The following ACP1 variants were observed in gnomAD, a reference collection of about 807,000 sequenced individuals.
The protein encoded by ACP1 is acid phosphatase 1, also known as low molecular weight phosphotyrosine protein phosphatase.
Under a neutral mutation model 23.4 loss-of-function variants are expected in ACP1, and 23 were observed. The observed-to-expected ratio is 0.98, with a 90% CI of 0.71 to 1.39. The LOEUF (loss-of-function observed/expected upper bound fraction) is 1.39. ACP1 is among the 40% of genes most tolerant of loss of function. ACP1 has a pLI of 0.00. For missense variants in ACP1, 180 were observed against 197.7 expected (o/e 0.91, Z 0.54); for synonymous variants, 72 against 67.2 (o/e 1.07, Z -0.35).
At chr2:275,076 T>C (rs1670135904) in intron 3 of ACP1, 64 bp from the exon 4 acceptor site, 2 of 754,252 alleles carry the variant, frequency 2.7e-6, no homozygotes, top group South Asian at 3.1e-5. Context: ...CTTTTAGTAT[T>C]GCTTTGCATC....
rs201375510 is a variant in ACP1 at position 266,793 on chromosome 2, G to GT, written c.43+1796dup. 2.2e-3 allele frequency among the ~76,000 whole-genome samples: 327 copies of GT among 150,312 alleles called. 1 individual carries two copies. Among genetic ancestry groups the GT allele is most frequent in the African/African-American group, 7.5e-3 (309 of 40,982 alleles). On this transcript the variant is annotated intron_variant, in intron 1 of 5. Transcript: ENST00000272065. ...GTAGATCTTAGTAACCTCGGTATAA[G>GT]TTTTTTTTTTCTTTCCATAAGAAGT...
intron 1 of ACP1, 152 bp downstream of exon 1, chr2:265,159 G>C (rs1021773256): frequency 4.1e-5 from 34 of 832,430 alleles, no homozygotes; most frequent in Non-Finnish European, 5.7e-5. Context: ...GTGCCGCAGC[G>C]CCCCTGTTCC....
At chr2:267,771 A>C (rs935384685) in intron 1 of ACP1, among the ~76,000 whole-genome samples, 1 of 152,240 alleles carries the variant, frequency 6.6e-6, no homozygotes, top group African/African-American at 2.4e-5. Flanking sequence ...GGAGTCTGCA[A>C]ACTCTTTGTT....
Position 264,994 on chromosome 2 carries a change from G to T in ACP1, c.30G>T (p.Leu10=). Reference sequence around the variant, plus strand: ...CGGAACAGGCTACCAAGTCCGTGCTGTTTGTGTGTCTGGGTAAGAGGGCGC... The same window carrying T: ...CGGAACAGGCTACCAAGTCCGTGCTTTTTGTGTGTCTGGGTAAGAGGGCGC... MAEQATKSV[L]FVCLGNICRS... Residue 10 remains leucine, a synonymous_variant, in exon 1 of 6, where the codon CTG becomes CTT. Coordinates refer to ENST00000272065, the MANE Select transcript of ACP1 (RefSeq NM_004300.4). 3 of 1,613,308 alleles carry T rather than the reference G, an allele frequency of 1.9e-6. No homozygotes were observed. The highest frequency in any genetic ancestry group is 1.7e-5 in the Admixed American group (1 of 59,968).
In ACP1 at chr2:264,973, A is replaced by G. The variant is rs1352194299; in HGVS notation, c.9A>G (p.Glu3=). 1 of 1,612,810 alleles carries G rather than the reference A, an allele frequency of 6.2e-7. No individual in the cohort carries two copies. The highest frequency in any genetic ancestry group is 1.1e-5 in the South Asian group (1 of 90,914). ...CCTCTGCGCGCGGGAAGATGGCGGAACAGGCTACCAAGTCCGTGCTGTTTG... is the reference window on the plus strand; with the variant it reads ...CCTCTGCGCGCGGGAAGATGGCGGAGCAGGCTACCAAGTCCGTGCTGTTTG... The part of the protein sequence containing the change: MA[E]QATKSVLFVC... Residue 3 remains glutamate, a synonymous_variant, in exon 1 of 6, where the codon GAA becomes GAG. Coordinates refer to ENST00000272065, the MANE Select transcript of ACP1 (RefSeq NM_004300.4).
Position 277,431 on chromosome 2 carries a change from T to C in ACP1, c.*127T>C. The C allele has an allele frequency of 2.5e-6, 2 of 791,884 alleles. No homozygotes were observed. Among genetic ancestry groups the C allele is most frequent in the Non-Finnish European group, 4.3e-6 (2 of 462,196 alleles). The allele number at this position is 791,884 out of a possible 1,614,324, so 49.1% of individuals were successfully genotyped here. ...CTCTTTGTTCAGTTGACTTACTGTTTCTTACCTTAAAAAGTAATTGTAGAT... is the reference window on the plus strand; with the variant it reads ...CTCTTTGTTCAGTTGACTTACTGTTCCTTACCTTAAAAAGTAATTGTAGAT... On this transcript the variant is annotated 3_prime_UTR_variant, in exon 6 of 6. Transcript: ENST00000272065.
chr2:265,765 G>A (rs1303923002), intron 1 of ACP1, among the ~76,000 whole-genome samples: 1 of 152,190 alleles, frequency 6.6e-6, no homozygotes, highest in African/African-American at 2.4e-5. Flanking sequence ...AAAACCTTCT[G>A]TGAGTTTGCA....
chr2:269,271 A>G, intron 1 of ACP1: 2 of 469,736 alleles, frequency 4.3e-6, no homozygotes, highest in South Asian at 1.6e-5. Flanking sequence ...TTCAAGGCTA[A>G]TTTGTTGTCT....
chr2:276,787 T>C (rs1331824974), intron 4 of ACP1, among the ~76,000 whole-genome samples, 193 bp from the exon 5 acceptor site: 2 of 152,162 alleles, frequency 1.3e-5, no homozygotes, highest in African/African-American at 4.8e-5. Context: ...TCGCAAACTG[T>C]CTTGCCTAGA....
chr2:277,408 C>A lies in ACP1; in HGVS notation c.*104C>A. 6.1e-6 allele frequency: 6 copies of A among 986,478 alleles called. No homozygotes were observed. The Admixed American group carries it at 1.1e-4, about 18-fold the overall frequency. The allele number at this position is 986,478 out of a possible 1,614,324, so 61.1% of individuals were successfully genotyped here. On this transcript the variant is annotated 3_prime_UTR_variant, in exon 6 of 6. Transcript: ENST00000272065. ...ACGTTCCAGGGCCCAAAGCCCAGCT[C>A]TTTGTTCAGTTGACTTACTGTTTCT...
chr2:278,190 G>A lies in ACP1; in HGVS notation c.*886G>A, dbSNP rs367597593. On this transcript the variant is annotated 3_prime_UTR_variant, in exon 6 of 6. Transcript: ENST00000272065. ...GCATTTAATAAATGTATAGGCAGAT[G>A]TAAGGTAATTTCTGTGTATTTTGAG... 6.4e-4 allele frequency: 97 copies of A among 152,256 alleles called. No individual in the cohort carries two copies. Among genetic ancestry groups the A allele is most frequent in the African/African-American group, 2.0e-3 (83 of 41,518 alleles). The allele number at this position is 152,256 out of a possible 1,614,324, so 9.4% of individuals were successfully genotyped here. A position where few individuals can be genotyped will look rare whatever the true frequency, so the allele number is the denominator to read the frequency against.
chr2:274,824 T>C (rs531987326), intron 3 of ACP1: 5 of 179,578 alleles, frequency 2.8e-5, no homozygotes, highest in Admixed American at 1.9e-4. Context: ...GGATTAAATA[T>C]GTGACATTTT....
At chr2:276,286 C>A (rs765765685) in intron 4 of ACP1, among the ~76,000 whole-genome samples, 1 of 152,184 alleles carries the variant, frequency 6.6e-6, no homozygotes, top group Non-Finnish European at 1.5e-5. Context: ...GTGCATTAGA[C>A]TTAGGCCTGC....
chr2:274,452 C>T (rs985666776), intron 3 of ACP1: 5 of 152,490 alleles, frequency 3.3e-5, no homozygotes, highest in Non-Finnish European at 7.3e-5. Flanking sequence ...AGAAAACAAT[C>T]ATAAGCTTTC....
chr2:269,177 T>A (rs1443539664), intron 1 of ACP1: 1 of 386,586 alleles, frequency 2.6e-6, no homozygotes, highest in African/African-American at 2.1e-5. Flanking sequence ...ATAGTGCTGA[T>A]GACAATACCT....
intron 4 of ACP1, chr2:275,550 T>C (rs1052341311): frequency 1.9e-5 from 3 of 161,954 alleles, no homozygotes; most frequent in African/African-American, 4.8e-5. Flanking sequence ...CAGTGTTTTA[T>C]TGATTCTCAG....
intron 4 of ACP1, among the ~76,000 whole-genome samples, chr2:275,875 A>G (rs1670155688): frequency 6.6e-6 from 1 of 152,298 alleles, no homozygotes; most frequent in East Asian, 1.9e-4. Context: ...AAGATAAACT[A>G]TTTGTGCTTT....
In ACP1 at chr2:265,005, TG is replaced by T. The variant is rs764998912; in HGVS notation, c.43+1del. The T allele has an allele frequency of 1.2e-6, 2 of 1,613,058 alleles. No homozygotes were observed. Among genetic ancestry groups the T allele is most frequent in the Admixed American group, 3.3e-5 (2 of 59,936 alleles). ...QATKSVLFVC[L>X]GNICRSPIAE... ...ACCAAGTCCGTGCTGTTTGTGTGTCTGGGTAAGAGGGCGCCGACTTACTCAT... is the reference window on the plus strand; with the variant it reads ...ACCAAGTCCGTGCTGTTTGTGTGTCTGGTAAGAGGGCGCCGACTTACTCAT... On this transcript the variant is annotated frameshift_variant and splice_region_variant, in exon 1 of 6. Coordinates refer to ENST00000272065, the MANE Select transcript of ACP1 (RefSeq NM_004300.4). LOFTEE classifies it high-confidence loss of function.
intron 4 of ACP1, 81 bp downstream of exon 4, chr2:275,282 T>C (rs1282974537): frequency 1.2e-6 from 1 of 804,072 alleles, no homozygotes; most frequent in Non-Finnish European, 2.0e-6. Flanking sequence ...AGATTTACTT[T>C]TTCTATTTTA....
Sources: allele counts gnomAD v4.1 joint callset (sites outside exome capture counted in the v4.1 genomes callset), GRCh38; gene constraint gnomAD v4.1.1; transcripts MANE v1.5; gene names NCBI Gene and HGNC (gene_info 2026-07-23, HGNC 2026-07-21).